Variants in CHMP4B observed in about 807,000 individuals in gnomAD.
CHMP4B encodes SNF7 homolog associated with Alix 1.
In CHMP4B, 1 loss-of-function variant was observed where a neutral mutation model predicts 25.1. The ratio of observed to expected loss-of-function variants is 0.04; its 90% CI spans 0.01 to 0.19. The LOEUF (loss-of-function observed/expected upper bound fraction) is 0.19, where lower values mean the gene tolerates loss of function less well. CHMP4B is among the 10% of genes least tolerant of loss of function. The pLI is 1.00. For synonymous variants in CHMP4B, 101 were observed against 115.6 expected (o/e 0.87, Z 0.81); for missense variants, 151 against 289.7 (o/e 0.52, Z 3.48).
chr20:33,834,349 C>T (rs755698170), intron 1 of CHMP4B, among the ~76,000 whole-genome samples: 14 of 152,014 alleles, frequency 9.2e-5, no homozygotes, highest in Non-Finnish European at 1.9e-4. Context: ...ATCACTCTCT[C>T]ACCTAGGCTG....
At position 33,852,212 on chromosome 20, in the gene CHMP4B, T is replaced by C. The variant is rs116896055; in HGVS notation, c.610+9T>C. On this transcript the variant is annotated intron_variant, in intron 4 of 4. Coordinates refer to ENST00000217402, the MANE Select transcript of CHMP4B (RefSeq NM_176812.5). ...CCTACCATCAAAACCCGGTGAGTGC[T>C]TCTAGAGTCATGGCACACCGTGAGG... 26 of 1,614,040 alleles carry C rather than the reference T, an allele frequency of 1.6e-5. No individual in the cohort carries two copies. In the East Asian group the frequency reaches 4.9e-4, roughly 30 times the overall value.
intron 1 of CHMP4B, among the ~76,000 whole-genome samples, chr20:33,840,164 T>A (rs1979495494): frequency 6.6e-6 from 1 of 151,600 alleles, no homozygotes; most frequent in African/African-American, 2.4e-5. Flanking sequence ...GAGAATTACT[T>A]GAACCCGGGA....
intron 1 of CHMP4B, among the ~76,000 whole-genome samples, chr20:33,832,161 G>A (rs1334071811): frequency 6.6e-6 from 1 of 152,056 alleles, no homozygotes; most frequent in African/African-American, 2.4e-5. Flanking sequence ...CCATACCTCC[G>A]TTGTCATCTC....
intron 1 of CHMP4B, among the ~76,000 whole-genome samples, chr20:33,823,992 C>T (rs573822895): frequency 1.2e-4 from 19 of 152,132 alleles, no homozygotes; most frequent in Non-Finnish European, 2.4e-4. Context: ...TGCTATAATC[C>T]TTGAGTGCTC....
chr20:33,835,062 C>T (rs1347261936), intron 1 of CHMP4B, among the ~76,000 whole-genome samples: 1 of 152,176 alleles, frequency 6.6e-6, no homozygotes, highest in Non-Finnish European at 1.5e-5. Flanking sequence ...TCCCAAAATG[C>T]TGGGATTACA....
At chr20:33,840,419 G>A (rs565789052) in intron 1 of CHMP4B, among the ~76,000 whole-genome samples, 1 of 149,966 alleles carries the variant, frequency 6.7e-6, no homozygotes, top group East Asian at 1.9e-4. Context: ...TCTGTCCTTA[G>A]GGTAGTGGTT....
chr20:33,823,959 A>G (rs1338002264), intron 1 of CHMP4B, among the ~76,000 whole-genome samples: 2 of 152,206 alleles, frequency 1.3e-5, no homozygotes, highest in African/African-American at 2.4e-5. Flanking sequence ...TACAGGGATG[A>G]GTCACCACAC....
At chr20:33,814,676 A>T (rs1468436942) in intron 1 of CHMP4B, among the ~76,000 whole-genome samples, 11 of 152,160 alleles carry the variant, frequency 7.2e-5, no homozygotes, top group Admixed American at 7.2e-4. Flanking sequence ...ACTTTAAGCA[A>T]CAGGGTCTTG....
chr20:33,850,955 C>G lies in CHMP4B; in HGVS notation c.372C>G (p.Asp124Glu). 6.2e-7 allele frequency: 1 copy of G among 1,608,380 alleles called. No homozygotes were observed. The highest frequency in any genetic ancestry group is 1.1e-5 in the South Asian group (1 of 90,960). The change falls in exon 3 of 5, where the codon GAC becomes GAG. Residue 124 changes from aspartate to glutamate, a missense_variant. Coordinates refer to ENST00000217402, the MANE Select transcript of CHMP4B (RefSeq NM_176812.5). ...TACCTGTCCATTGCATTTGAAGGGACATCGATAAAGTTGATGAGTTAATGC... is the reference window on the plus strand; with the variant it reads ...TACCTGTCCATTGCATTTGAAGGGAGATCGATAAAGTTGATGAGTTAATGC... ...KAMKAAHDNM[D>E]IDKVDELMQD...
At chr20:33,850,768 T>G (rs1979824424) in intron 2 of CHMP4B, among the ~76,000 whole-genome samples, 184 bp from the exon 3 acceptor site, 1 of 152,258 alleles carries the variant, frequency 6.6e-6, no homozygotes, top group South Asian at 2.1e-4. Context: ...CCCTTGAGTC[T>G]ATGATTCTCT....
chr20:33,816,461 G>A (rs1281779728), intron 1 of CHMP4B, among the ~76,000 whole-genome samples: 1 of 152,158 alleles, frequency 6.6e-6, no homozygotes, highest in Non-Finnish European at 1.5e-5. Flanking sequence ...TTGAGAACTG[G>A]ATAGAAACCA....
intron 1 of CHMP4B, among the ~76,000 whole-genome samples, chr20:33,837,056 A>G (rs1294777349): frequency 6.6e-6 from 1 of 152,206 alleles, no homozygotes; most frequent in Non-Finnish European, 1.5e-5. Flanking sequence ...AGTAAGACGA[A>G]TTCCTTATTG....
At chr20:33,811,774 G>C (rs1303211413) in intron 1 of CHMP4B, 116 bp downstream of exon 1, 1 of 1,083,462 alleles carries the variant, frequency 9.2e-7, no homozygotes, top group Non-Finnish European at 1.4e-6. Flanking sequence ...AACTCTCCGG[G>C]TCAGACTTCT....
intron 1 of CHMP4B, among the ~76,000 whole-genome samples, chr20:33,839,384 G>A (rs1332089210): frequency 1.3e-5 from 2 of 152,150 alleles, no homozygotes; most frequent in Admixed American, 6.5e-5. Flanking sequence ...TAGGGTAGAC[G>A]TGAGGGAAGA....
At chr20:33,835,561 T>G (rs779343103) in intron 1 of CHMP4B, among the ~76,000 whole-genome samples, 3 of 152,252 alleles carry the variant, frequency 2.0e-5, no homozygotes, top group Non-Finnish European at 2.9e-5. Flanking sequence ...TTTATTGCTA[T>G]TCAAGTTTAC....
Position 33,853,773 on chromosome 20 carries a change from G to GGGGGGGGGGGGGGAA in CHMP4B, c.*213_*214insGGGGGGGGGGGGGAA. The GGGGGGGGGGGGGGAA allele has an allele frequency of 7.9e-5, 2 of 25,270 alleles. No individual in the cohort carries two copies. The highest frequency in any genetic ancestry group is 1.5e-4 in the Non-Finnish European group (2 of 13,100). 1.6% of individuals were successfully genotyped at this position (25,270 alleles called of 1,614,324 possible). A position where few individuals can be genotyped will look rare whatever the true frequency, so the allele number is the denominator to read the frequency against. Reference sequence around the variant, plus strand: ...GGGGGGAGGGGGGCGGGCGGGGTGGGAAGTGCCTGCTGTTTATAATGTTGA... The same window carrying GGGGGGGGGGGGGGAA: ...GGGGGGAGGGGGGCGGGCGGGGTGGGGGGGGGGGGGGGGAAAAGTGCCTGCTGTTTATAATGTTGA... On this transcript the variant is annotated 3_prime_UTR_variant, in exon 5 of 5. Coordinates refer to ENST00000217402, the MANE Select transcript of CHMP4B (RefSeq NM_176812.5).
At chr20:33,821,125 G>T (rs574271347) in intron 1 of CHMP4B, among the ~76,000 whole-genome samples, 1 of 152,054 alleles carries the variant, frequency 6.6e-6, no homozygotes, top group Non-Finnish European at 1.5e-5. Flanking sequence ...GGTGGCTCAC[G>T]CCTGTAATCC....
intron 1 of CHMP4B, among the ~76,000 whole-genome samples, chr20:33,838,457 G>A (rs1475070941): frequency 6.6e-6 from 1 of 152,166 alleles, no homozygotes; most frequent in African/African-American, 2.4e-5. Context: ...AGGTGGCAGT[G>A]TGGGCTCAGT....
In CHMP4B at chr20:33,853,920, G is replaced by C; in HGVS notation, c.*360G>C. ...TGCAGTTGAAATGACCTGAAATGTA[G>C]CCTCTGTCCTTGTAAGTCAGTTGAC... On this transcript the variant is annotated 3_prime_UTR_variant, in exon 5 of 5. Coordinates refer to ENST00000217402, the MANE Select transcript of CHMP4B (RefSeq NM_176812.5). 1 of 367,536 alleles carries C rather than the reference G, an allele frequency of 2.7e-6. No individual in the cohort carries two copies. The highest frequency in any genetic ancestry group is 5.2e-6 in the Non-Finnish European group (1 of 193,202). The allele number at this position is 367,536 out of a possible 1,614,324, so 22.8% of individuals were successfully genotyped here.
Sources: allele counts gnomAD v4.1 joint callset (sites outside exome capture counted in the v4.1 genomes callset), GRCh38; gene constraint gnomAD v4.1.1; transcripts MANE v1.5; gene names NCBI Gene and HGNC (gene_info 2026-07-23, HGNC 2026-07-21).